The following SPATA2 variants were observed in gnomAD, a reference collection of about 807,000 sequenced individuals.
SPATA2 encodes the protein spermatogenesis-associated protein 2.
In SPATA2, 8 loss-of-function variants were observed where a neutral mutation model predicts 35.4. That is an observed-to-expected ratio of 0.23 (90% CI 0.13 to 0.41). The LOEUF (loss-of-function observed/expected upper bound fraction) is 0.41, where lower values mean the gene tolerates loss of function less well. Among genes scored for constraint, SPATA2 ranks in the 10% least tolerant of loss-of-function variants. The pLI is 1.00. For missense variants in SPATA2, 650 were observed against 698.7 expected, an observed-to-expected ratio of 0.93 and a Z score of 0.79; for synonymous variants, 293 against 300.9, an observed-to-expected ratio of 0.97 and a Z score of 0.27.
chr20:49,910,137 G>A (rs1339495685), intron 1 of SPATA2, among the ~76,000 whole-genome samples: 2 of 152,188 alleles, frequency 1.3e-5, no homozygotes, highest in African/African-American at 4.8e-5. Flanking sequence ...TTAATGGAGG[G>A]ACACTGCCAG....
In SPATA2 at chr20:49,906,358, C is replaced by T; in HGVS notation, c.824G>A (p.Arg275Gln). The T allele has an allele frequency of 4.3e-6, 7 of 1,613,452 alleles. No homozygotes were observed. Among genetic ancestry groups the T allele is most frequent in the Non-Finnish European group, 5.9e-6 (7 of 1,179,688 alleles). ...KPPLKASLSL[R>Q]KEPVATDVGD... ...CACATCCGTTGCCACAGGCTCCTTC[C>T]GAAGACTCAATGAGGCCTTCAGGGG... The change falls in exon 3 of 3, where the codon CGG becomes CAG. Residue 275 changes from arginine to glutamine, a missense_variant. Transcript: ENST00000289431. This position sits in a 1 kb window ranked among gnomAD's most constrained non-coding sequence, Gnocchi z 8.2.
In SPATA2 at chr20:49,903,902, G is replaced by GATAGATATATATATATAT. The variant is rs1431587837; in HGVS notation, c.*1716_*1717insATATATATATATATCTAT. The GATAGATATATATATATAT allele has an allele frequency of 1.0e-5, 1 of 96,930 alleles. No homozygotes were observed. Among genetic ancestry groups the GATAGATATATATATATAT allele is most frequent in the Non-Finnish European group, 2.0e-5 (1 of 49,708 alleles). The allele number at this position is 96,930 out of a possible 1,614,324, so 6.0% of individuals were successfully genotyped here. A position where few individuals can be genotyped will look rare whatever the true frequency, so the allele number is the denominator to read the frequency against. On this transcript the variant is annotated 3_prime_UTR_variant, in exon 3 of 3. Transcript: ENST00000289431. ...ACATCTACATGTGATCTACCAGATA[G>GATAGATATATATATATAT]ATATATATATATATATATATATATA... is the stretch of plus-strand genomic sequence containing the variant.
At chr20:49,907,986 G>A (rs375208005) in intron 2 of SPATA2, among the ~76,000 whole-genome samples, 169 bp downstream of exon 2, 34 of 152,356 alleles carry the variant, frequency 2.2e-4, no homozygotes, top group African/African-American at 7.7e-4. Flanking sequence ...TGGCAGCCGG[G>A]CCAGAAACGG....
intron 1 of SPATA2, among the ~76,000 whole-genome samples, chr20:49,914,910 C>A (rs2146839049): frequency 6.6e-6 from 1 of 152,316 alleles, no homozygotes; most frequent in South Asian, 2.1e-4. Context: ...ATGCCAGAGG[C>A]CCTGCATGAT....
rs2090145253 is a variant in SPATA2, at chr20:49,906,470, C to T, written c.712G>A (p.Ala238Thr). 2.5e-6 allele frequency: 4 copies of T among 1,611,126 alleles called. No individual in the cohort carries two copies. The highest frequency in any genetic ancestry group is 3.4e-6 in the Non-Finnish European group (4 of 1,179,946). Residue 238 changes from alanine (A) to threonine (T), a missense_variant, in exon 3 of 3, where the codon GCG (alanine) becomes ACG (threonine). Coordinates refer to ENST00000289431, the MANE Select transcript of SPATA2 (RefSeq NM_006038.4). This position sits in a 1 kb window ranked among gnomAD's most constrained non-coding sequence, Gnocchi z 8.2. ...CGGGGCTTGTAGTAGTCCTTGGCCG[C>T]CCGCTCGCTGGCCGACTTCTGGAGT... ...VALQKSASER[A>T]AKDYYKPRVT...
In SPATA2 at chr20:49,908,031, G is replaced by A. The variant is rs566302283; in HGVS notation, c.336+124C>T. On this transcript the variant is annotated intron_variant, in intron 2 of 2. Transcript: ENST00000289431. ...GATGCTGGAGAGACGGGGAAGGTTC[G>A]GAGCCCGGAAGGATCTGAGAGCACA... is the stretch of plus-strand genomic sequence containing the variant. The A allele has an allele frequency of 4.6e-5, 46 of 995,456 alleles. No individual in the cohort carries two copies. In the East Asian group the frequency reaches 8.0e-4, roughly 17 times the overall value. The allele number at this position is 995,456 out of a possible 1,614,324, so 61.7% of individuals were successfully genotyped here.
intron 1 of SPATA2, among the ~76,000 whole-genome samples, chr20:49,911,251 CT>C (rs1185000975): frequency 6.6e-6 from 1 of 152,174 alleles, no homozygotes. Flanking sequence ...TTGTCCACCC[CT>C]CACCCTCCCT....
At chr20:49,907,206 G>A (rs1295039968) in intron 2 of SPATA2, among the ~76,000 whole-genome samples, 2 of 152,136 alleles carry the variant, frequency 1.3e-5, no homozygotes, top group African/African-American at 2.4e-5. Context: ...GATTACAGGC[G>A]CCCGCCAACA....
chr20:49,903,918 T>TATATATAG lies in SPATA2; in HGVS notation c.*1700_*1701insCTATATAT, dbSNP rs2090123483. On this transcript the variant is annotated 3_prime_UTR_variant, in exon 3 of 3. Coordinates refer to ENST00000289431, the MANE Select transcript of SPATA2 (RefSeq NM_006038.4). ...TACCAGATAGATATATATATATATA[T>TATATATAG]ATATATATATATATATATATATATA... The TATATATAG allele has an allele frequency of 2.8e-5, 1 of 35,892 alleles. No homozygotes were observed. Among genetic ancestry groups the TATATATAG allele is most frequent in the Non-Finnish European group, 6.1e-5 (1 of 16,460 alleles). The allele number at this position is 35,892 out of a possible 1,614,324, so 2.2% of individuals were successfully genotyped here. A position where few individuals can be genotyped will look rare whatever the true frequency, so the allele number is the denominator to read the frequency against.
At position 49,908,338 on chromosome 20, in the gene SPATA2, G is replaced by A. The variant is rs751513086; in HGVS notation, c.153C>T (p.Ser51=). 3.7e-6 allele frequency: 6 copies of A among 1,614,270 alleles called. No individual in the cohort carries two copies. The East Asian group carries it at 8.9e-5, about 24-fold the overall frequency. Residue 51 remains serine, a synonymous_variant, in exon 2 of 3, where the codon AGC becomes AGT. Coordinates refer to ENST00000289431, the MANE Select transcript of SPATA2 (RefSeq NM_006038.4). ...CLRVAASTLL[S]LHKVDPFYRF... The stretch of plus-strand genomic sequence containing the variant: ...GATAAAAGGGATCCACCTTGTGCAG[G>A]CTGAGCAGGGTTGAGGCTGCCACCC...
rs896673566 is a variant in SPATA2, at chr20:49,908,523, G to T, written c.-33C>A. 1 of 1,533,034 alleles carries T rather than the reference G, an allele frequency of 6.5e-7. No homozygotes were observed. The highest frequency in any genetic ancestry group is 1.7e-4 in the Middle Eastern group (1 of 5,728). The allele number at this position is 1,533,034 out of a possible 1,614,324, so 95.0% of individuals were successfully genotyped here. A position where few individuals can be genotyped will look rare whatever the true frequency, so the allele number is the denominator to read the frequency against. ...AGGGGGGCTACCTTATCTCCTCCAT[G>T]GCTTCTGGATTAGAGGCAGGGACAT... On this transcript the variant is annotated 5_prime_UTR_variant, in exon 2 of 3. Transcript: ENST00000289431.
At chr20:49,910,369 C>T (rs1261974356) in intron 1 of SPATA2, among the ~76,000 whole-genome samples, 2 of 152,194 alleles carry the variant, frequency 1.3e-5, no homozygotes, top group Non-Finnish European at 2.9e-5. Context: ...GAGCCGGCTC[C>T]GGGAAGTCCT....
chr20:49,909,213 G>A (rs1025431473), intron 1 of SPATA2, among the ~76,000 whole-genome samples: 1 of 151,986 alleles, frequency 6.6e-6, no homozygotes, highest in African/African-American at 2.4e-5. Context: ...AGTCAAGATG[G>A]GGTTTCACCA....
chr20:49,905,352 C>A lies in SPATA2; in HGVS notation c.*267G>T. 4.2e-6 allele frequency: 2 copies of A among 470,588 alleles called. No homozygotes were observed. The highest frequency in any genetic ancestry group is 4.2e-5 in the South Asian group (1 of 23,794). 29.2% of individuals were successfully genotyped at this position (470,588 alleles called of 1,614,324 possible). Reference sequence around the variant, plus strand: ...CAAAACAAAACCCCAAAAAAAGAACCAACTGAACAGGGAGTGGAGAGATTA... The same window carrying A: ...CAAAACAAAACCCCAAAAAAAGAACAAACTGAACAGGGAGTGGAGAGATTA... On this transcript the variant is annotated 3_prime_UTR_variant, in exon 3 of 3. Coordinates refer to ENST00000289431, the MANE Select transcript of SPATA2 (RefSeq NM_006038.4).
rs2090149130 is a variant in SPATA2 at position 49,906,908 on chromosome 20, ATGT to A, written c.337-66_337-64del. 1 of 1,532,098 alleles carries A rather than the reference ATGT, an allele frequency of 6.5e-7. No homozygotes were observed. The highest frequency in any genetic ancestry group is 8.8e-7 in the Non-Finnish European group (1 of 1,136,132). 94.9% of individuals were successfully genotyped at this position (1,532,098 alleles called of 1,614,324 possible). Reference sequence around the variant, plus strand: ...CTGTCAGAGACACAAGACAGAGACTATGTCAAAGCAAAGGATGTCCAGCTCTGA... The same window carrying A: ...CTGTCAGAGACACAAGACAGAGACTACAAAGCAAAGGATGTCCAGCTCTGA... On this transcript the variant is annotated intron_variant, in intron 2 of 2. Coordinates refer to ENST00000289431, the MANE Select transcript of SPATA2 (RefSeq NM_006038.4). This position sits in a 1 kb window ranked among gnomAD's most constrained non-coding sequence, Gnocchi z 8.2.
Position 49,904,059 on chromosome 20 carries a change from T to C in SPATA2, c.*1560A>G, listed in dbSNP as rs2090125829. 6.6e-6 allele frequency: 1 copy of C among 152,122 alleles called. No individual in the cohort carries two copies. The highest frequency in any genetic ancestry group is 1.5e-5 in the Non-Finnish European group (1 of 67,938). 9.4% of individuals were successfully genotyped at this position (152,122 alleles called of 1,614,324 possible). ...CTCAGGATTCAGCCAGACTTAAACT[T>C]GCTCAAGAGCTGAATAACTTTCTCC... On this transcript the variant is annotated 3_prime_UTR_variant, in exon 3 of 3. Coordinates refer to ENST00000289431, the MANE Select transcript of SPATA2 (RefSeq NM_006038.4).
Position 49,913,234 on chromosome 20 carries a change from C to T in SPATA2, c.-103+2146G>A, listed in dbSNP as rs140163262. On this transcript the variant is annotated intron_variant, in intron 1 of 2. Coordinates refer to ENST00000289431, the MANE Select transcript of SPATA2 (RefSeq NM_006038.4). ...AATCCTCACAACTCTATAAGGAAAA[C>T]AGGCTCTTCCCATTAAAACAACCTG... 1.1e-3 allele frequency among the ~76,000 whole-genome samples: 172 copies of T among 152,316 alleles called. 1 individual carries two copies. The East Asian group carries it at 0.028, about 25-fold the overall frequency.
In SPATA2 at chr20:49,905,747, A is replaced by G. The variant is rs1182238397; in HGVS notation, c.1435T>C (p.Ser479Pro). The G allele has an allele frequency of 6.2e-7, 1 of 1,614,100 alleles. No individual in the cohort carries two copies. Among genetic ancestry groups the G allele is most frequent in the African/African-American group, 1.3e-5 (1 of 74,930 alleles). ...TAAGCGCTGAGGCAGGCGTCACATG[A>G]GACTTTTGAACACTGGGTGCAGGTG... is the stretch of plus-strand genomic sequence containing the variant. ...TNTCTQCSKV[S>P]CDACLSAYHY... Residue 479 changes from serine (S) to proline (P), a missense_variant, in exon 3 of 3, where the codon TCA becomes CCA. Coordinates refer to ENST00000289431, the MANE Select transcript of SPATA2 (RefSeq NM_006038.4).
chr20:49,912,818 C>G (rs1279813355), intron 1 of SPATA2, among the ~76,000 whole-genome samples: 2 of 151,904 alleles, frequency 1.3e-5, no homozygotes, highest in African/African-American at 2.4e-5. Context: ...GGACAGGAAG[C>G]CTATCTAAAA....
Sources: gnomAD v4.1 joint callset for allele counts (sites outside exome capture counted in the v4.1 genomes callset) on GRCh38, gnomAD v4.1.1 for gene constraint, Gnocchi (gnomAD v3.1) non-coding constraint, MANE v1.5 for transcripts, NCBI Gene and HGNC (gene_info 2026-07-23, HGNC 2026-07-21) for gene names.